Variants in MATN1 observed in about 807,000 individuals in gnomAD.
MATN1 encodes matrilin 1, also known as matrilin-1.
A neutral mutation model predicts 41.3 loss-of-function variants in MATN1; 34 were observed. That is an observed-to-expected ratio of 0.82 (90% CI 0.63 to 1.10). MATN1 has a LOEUF of 1.10. MATN1 is among the 50% of genes least tolerant of loss of function. The pLI is 0.00. For missense variants in MATN1, 602 were observed against 662.4 expected (o/e 0.91, Z 1.00); for synonymous variants, 264 against 278.7 (o/e 0.95, Z 0.53).
Position 30,716,848 on chromosome 1 carries a change from G to A in MATN1, c.732C>T (p.Ser244=). 1 of 1,614,028 alleles carries A rather than the reference G, an allele frequency of 6.2e-7. No individual in the cohort carries two copies. The highest frequency in any genetic ancestry group is 8.5e-7 in the Non-Finnish European group (1 of 1,179,982). ...CEQVCISSPG[S]YTCACHEGFT... ...AGCCCTCGTGGCAGGCGCAGGTGTA[G>A]GAACCGGGGGAGCTGATGCACACCT... The change falls in exon 4 of 8, where the codon TCC becomes TCT. Residue 244 remains serine (S), a synonymous_variant. Transcript: ENST00000373765.
In MATN1 at chr1:30,715,993, C is replaced by G; in HGVS notation, c.1123G>C (p.Gly375Arg). 1 of 1,614,182 alleles carries G rather than the reference C, an allele frequency of 6.2e-7. No individual in the cohort carries two copies. Among genetic ancestry groups the G allele is most frequent in the Middle Eastern group, 1.6e-4 (1 of 6,062 alleles). The change falls in exon 5 of 8, where the codon GGG becomes CGG. Residue 375 changes from glycine (G) to arginine (R), a missense_variant. Physicochemically the swap from Gly to Arg is moderately radical, Grantham distance 125 (BLOSUM62 -2). Transcript: ENST00000373765. Reference sequence around the variant, plus strand: ...AAGACAATGCCCACCTTCTGGGCCCCGGGCCTAGCCCCACTGGACACAGTG... The same window carrying G: ...AAGACAATGCCCACCTTCTGGGCCCGGGGCCTAGCCCCACTGGACACAGTG... ...SFTVSSGARP[G>R]AQKVGIVFTD...
chr1:30,714,024 T>A (rs1003428148), intron 7 of MATN1: 10 of 594,450 alleles, frequency 1.7e-5, no homozygotes, highest in Non-Finnish European at 2.7e-5. Context: ...AGTCCCTAGA[T>A]CCTGGCTTCT....
Position 30,714,066 on chromosome 1 carries a change from T to G in MATN1, c.1441+181A>C, listed in dbSNP as rs540972474. Reference sequence around the variant, plus strand: ...TTTTCTTGTTTACCTTCTAGGAGTCTCTGCTTTTGACAGGGTGTGCACCCA... The same window carrying G: ...TTTTCTTGTTTACCTTCTAGGAGTCGCTGCTTTTGACAGGGTGTGCACCCA... On this transcript the variant is annotated intron_variant, in intron 7 of 7. Transcript: ENST00000373765. 3.6e-5 allele frequency: 22 copies of G among 612,508 alleles called. No individual in the cohort carries two copies. In the East Asian group the frequency reaches 5.8e-4, roughly 16 times the overall value. 37.9% of individuals were successfully genotyped at this position (612,508 alleles called of 1,614,324 possible). A position where few individuals can be genotyped will look rare whatever the true frequency, so the allele number is the denominator to read the frequency against.
rs1288244560 is a variant in MATN1 at position 30,716,015 on chromosome 1, A to G, written c.1101T>C (p.Thr367=). 2 of 1,614,268 alleles carry G rather than the reference A, an allele frequency of 1.2e-6. No individual in the cohort carries two copies. The highest frequency in any genetic ancestry group is 1.7e-6 in the Non-Finnish European group (2 of 1,180,044). ...ALKYLIDNSF[T]VSSGARPGAQ... Reference sequence around the variant, plus strand: ...CCCCGGGCCTAGCCCCACTGGACACAGTGAAGGAATTGTCAATGAGGTACT... The same window carrying G: ...CCCCGGGCCTAGCCCCACTGGACACGGTGAAGGAATTGTCAATGAGGTACT... The change falls in exon 5 of 8, where the codon ACT becomes ACC. Residue 367 remains threonine, a synonymous_variant. Transcript: ENST00000373765.
At chr1:30,714,577 C>T (rs773691641) in intron 6 of MATN1, among the ~76,000 whole-genome samples, 14 of 152,168 alleles carry the variant, frequency 9.2e-5, no homozygotes, top group Non-Finnish European at 1.6e-4. Flanking sequence ...CATCCCTGTA[C>T]CTGCTGCATG....
At chr1:30,716,402 C>G (rs1019877886) in intron 4 of MATN1, 77 bp from the exon 5 acceptor site, 1 of 1,424,430 alleles carries the variant, frequency 7.0e-7, no homozygotes, top group Non-Finnish European at 9.6e-7. Context: ...GGACACCCAC[C>G]ACACACCAAG....
At position 30,723,472 on chromosome 1, in the gene MATN1, G is replaced by C; in HGVS notation, c.80C>G (p.Ala27Gly). ...AGCCCCCTCACCTCTGGACTGGGGGGCGAGGCCAGGGCTGCACAGGGCCTG... is the reference window on the plus strand; with the variant it reads ...AGCCCCCTCACCTCTGGACTGGGGGCCGAGGCCAGGGCTGCACAGGGCCTG... ...LLQALCSPGL[A>G]PQSRGHLCRT... Residue 27 changes from alanine (A) to glycine (G), a missense_variant, in exon 1 of 8, where the codon GCC becomes GGC. Ala to Gly is a moderately conservative substitution (Grantham distance 60, BLOSUM62 0). Transcript: ENST00000373765. 1 of 1,523,038 alleles carries C rather than the reference G, an allele frequency of 6.6e-7. No individual in the cohort carries two copies. Among genetic ancestry groups the C allele is most frequent in the East Asian group, 2.6e-5 (1 of 38,408 alleles). The allele number at this position is 1,523,038 out of a possible 1,614,324, so 94.3% of individuals were successfully genotyped here.
chr1:30,716,840 C>T lies in MATN1; in HGVS notation c.740G>A (p.Cys247Tyr), dbSNP rs1569829269. The T allele has an allele frequency of 1.2e-6, 2 of 1,614,050 alleles. No homozygotes were observed. The highest frequency in any genetic ancestry group is 1.7e-6 in the Non-Finnish European group (2 of 1,179,982). The change falls in exon 4 of 8, where the codon TGC becomes TAC. Residue 247 changes from cysteine (C) to tyrosine (Y), a missense_variant. Transcript: ENST00000373765. The part of the protein sequence containing the change: ...VCISSPGSYT[C>Y]ACHEGFTLNS... ...CAGAGTGAAGCCCTCGTGGCAGGCG[C>T]AGGTGTAGGAACCGGGGGAGCTGAT...
In MATN1 at chr1:30,721,749, G is replaced by T. The variant is rs2124160944; in HGVS notation, c.97C>A (p.His33Asn). The change falls in exon 2 of 8, where the codon CAT becomes AAT. Residue 33 changes from histidine (H) to asparagine (N), a missense_variant and splice_region_variant. His to Asn is a moderately conservative substitution (Grantham distance 68, BLOSUM62 1). Transcript: ENST00000373765. ...TCTGTGGGCCGCGTCCGGCAGAGAT[G>T]GCCTGGGAGTGGGGCAGGAGGGGTA... The part of the protein sequence containing the change: ...SPGLAPQSRG[H>N]LCRTRPTDLV... 1 of 1,606,962 alleles carries T rather than the reference G, an allele frequency of 6.2e-7. No homozygotes were observed. The highest frequency in any genetic ancestry group is 8.5e-7 in the Non-Finnish European group (1 of 1,178,282).
chr1:30,716,908 T>TG lies in MATN1; in HGVS notation c.671dup (p.Asp225ArgfsTer9). 6.2e-7 allele frequency: 1 copy of TG among 1,613,018 alleles called. No homozygotes were observed. The highest frequency in any genetic ancestry group is 8.5e-7 in the Non-Finnish European group (1 of 1,179,536). On this transcript the variant is annotated frameshift_variant, in exon 4 of 8. Coordinates refer to ENST00000373765, the MANE Select transcript of MATN1 (RefSeq NM_002379.3). LOFTEE classifies it high-confidence loss of function. Reference sequence around the variant, plus strand: ...CATGGTCCCCTGTGGCGCACAGGTCTGACACCACTGCGGGGACAATAAGTA... The same window carrying TG: ...CATGGTCCCCTGTGGCGCACAGGTCTGGACACCACTGCGGGGACAATAAGTA...
chr1:30,718,634 G>A, intron 3 of MATN1, 101 bp downstream of exon 3: 1 of 357,752 alleles, frequency 2.8e-6, no homozygotes. Flanking sequence ...CGCTGGCTCC[G>A]TCTGCGCCTC....
At position 30,712,735 on chromosome 1, in the gene MATN1, A is replaced by C. The variant is rs141934325; in HGVS notation, c.*847T>G. 74 of 152,318 alleles carry C rather than the reference A, an allele frequency of 4.9e-4. No individual in the cohort carries two copies. The highest frequency in any genetic ancestry group is 1.7e-3 in the African/African-American group (69 of 41,536). The allele number at this position is 152,318 out of a possible 1,614,324, so 9.4% of individuals were successfully genotyped here. ...CCCACCGCCATTGCCCTGTAAGTAC[A>C]TGATACCTGAACGAATGAGTGAACG... On this transcript the variant is annotated 3_prime_UTR_variant, in exon 8 of 8. Transcript: ENST00000373765.
At position 30,721,415 on chromosome 1, in the gene MATN1, T is replaced by C. The variant is rs139247300; in HGVS notation, c.431A>G (p.Asp144Gly). 23 of 1,607,674 alleles carry C rather than the reference T, an allele frequency of 1.4e-5. No individual in the cohort carries two copies. The highest frequency in any genetic ancestry group is 1.7e-5 in the Non-Finnish European group (20 of 1,175,220). The change falls in exon 2 of 8, where the codon GAC becomes GGC. Residue 144 changes from aspartate (D) to glycine (G), a missense_variant. Asp to Gly is a moderately conservative substitution (Grantham distance 94). Transcript: ENST00000373765. ...DAEGGRSRSP[D>G]ISKVVIVVTD... ...GTGGCGTGCACGTACCTTGCTGATG[T>C]CAGGGGACCTGGAACGACCACCCTC...
Position 30,716,777 on chromosome 1 carries a change from C to T in MATN1, c.790+13G>A. 1.9e-6 allele frequency: 3 copies of T among 1,613,056 alleles called. No homozygotes were observed. Among genetic ancestry groups the T allele is most frequent in the Non-Finnish European group, 2.5e-6 (3 of 1,179,606 alleles). ...CACCCTCTCCAGGGCGAGCCTGTGTCCACCCCACTGACCATTGCAGGTCTT... is the reference window on the plus strand; with the variant it reads ...CACCCTCTCCAGGGCGAGCCTGTGTTCACCCCACTGACCATTGCAGGTCTT... On this transcript the variant is annotated intron_variant, in intron 4 of 7. Transcript: ENST00000373765.
chr1:30,717,642 G>GTTTTTTTTTTTTTTTTTTTTTTTTTTTT lies in MATN1; in HGVS notation c.665-728_665-727insAAAAAAAAAAAAAAAAAAAAAAAAAAAA, dbSNP rs751915676. On this transcript the variant is annotated intron_variant, in intron 3 of 7. Transcript: ENST00000373765. ...GGCTCTGTTGTTTTTTGTGTGTGCG[G>GTTTTTTTTTTTTTTTTTTTTTTTTTTTT]TTTTTTTTTTTGTTTTGTTTTTTTT... Among the ~76,000 whole-genome samples, 2 of 109,992 alleles carry GTTTTTTTTTTTTTTTTTTTTTTTTTTTT rather than the reference G, an allele frequency of 1.8e-5. 1 individual carries two copies. The highest frequency in any genetic ancestry group is 1.8e-4 in the Admixed American group (2 of 10,944). The allele number at this position is 109,992 out of a possible 152,430, so 72.2% of individuals were successfully genotyped here. A position where few individuals can be genotyped will look rare whatever the true frequency, so the allele number is the denominator to read the frequency against.
chr1:30,721,254 TA>T, intron 2 of MATN1, 150 bp downstream of exon 2: 1 of 765,296 alleles, frequency 1.3e-6, no homozygotes, highest in Non-Finnish European at 2.1e-6. Context: ...GACCTCTGTC[TA>T]ATGACCGCCC....
In MATN1 at chr1:30,714,244, T is replaced by TA; in HGVS notation, c.1441+2dup. 6.3e-7 allele frequency: 1 copy of TA among 1,597,770 alleles called. No homozygotes were observed. The highest frequency in any genetic ancestry group is 8.5e-7 in the Non-Finnish European group (1 of 1,171,220). ...AGCCCCAGCCCCCTCTGGGAAGGGATATGTTTCCTGGTCAGGGCCTGCAGC... is the reference window on the plus strand; with the variant it reads ...AGCCCCAGCCCCCTCTGGGAAGGGATAATGTTTCCTGGTCAGGGCCTGCAGC... On this transcript the variant is annotated splice_region_variant and intron_variant, in intron 7 of 7. Transcript: ENST00000373765.
At chr1:30,718,685 T>C in intron 3 of MATN1, 50 bp downstream of exon 3, 13 of 1,085,032 alleles carry the variant, frequency 1.2e-5, no homozygotes, top group South Asian at 6.2e-5. Context: ...GCCCCGCCGC[T>C]CTCCCCTTCT....
At position 30,718,965 on chromosome 1, in the gene MATN1, A is replaced by T. The variant is rs779764356; in HGVS notation, c.442-8T>A. 8.0e-6 allele frequency: 12 copies of T among 1,491,044 alleles called. No individual in the cohort carries two copies. Among genetic ancestry groups the T allele is most frequent in the Non-Finnish European group, 1.1e-5 (12 of 1,120,484 alleles). 92.4% of individuals were successfully genotyped at this position (1,491,044 alleles called of 1,614,324 possible). A position where few individuals can be genotyped will look rare whatever the true frequency, so the allele number is the denominator to read the frequency against. On this transcript the variant is annotated splice_region_variant and splice_polypyrimidine_tract_variant and intron_variant, in intron 2 of 7. Coordinates refer to ENST00000373765, the MANE Select transcript of MATN1 (RefSeq NM_002379.3). ...TGTCACCACGATGACCACCTGCGACACGCGGGGCGGTGTGACACCGGGCTC... is the reference window on the plus strand; with the variant it reads ...TGTCACCACGATGACCACCTGCGACTCGCGGGGCGGTGTGACACCGGGCTC...
Sources: allele counts gnomAD v4.1 joint callset (sites outside exome capture counted in the v4.1 genomes callset), GRCh38; gene constraint gnomAD v4.1.1; transcripts MANE v1.5; gene names NCBI Gene and HGNC (gene_info 2026-07-23, HGNC 2026-07-21).